The following AGBL4 variants were observed in gnomAD, a reference collection of about 807,000 sequenced individuals.
The protein encoded by AGBL4 is cytosolic carboxypeptidase 6.
A neutral mutation model predicts 66.4 loss-of-function variants in AGBL4; 58 were observed. The observed-to-expected ratio is 0.87, with a 90% confidence interval of 0.71 to 1.09. The LOEUF (loss-of-function observed/expected upper bound fraction) is 1.09, where lower values mean the gene tolerates loss of function less well. Among genes scored for constraint, AGBL4 ranks in the 50% least tolerant of loss-of-function variants. AGBL4 has a pLI of 0.00. For missense variants in AGBL4, 579 were observed against 631.0 expected (o/e 0.92, Z 0.88); for synonymous variants, 234 against 222.9 (o/e 1.05, Z -0.44).
intron 3 of AGBL4, among the ~76,000 whole-genome samples, chr1:49,656,454 T>C (rs971716351): frequency 7.9e-5 from 12 of 152,138 alleles, no homozygotes; most frequent in Non-Finnish European, 1.6e-4. Flanking sequence ...CCATTCCTTC[T>C]GAAACTATTC....
At chr1:48,694,831 C>G (rs12026305) in intron 6 of AGBL4, among the ~76,000 whole-genome samples, 3 of 151,236 alleles carry the variant, frequency 2.0e-5, no homozygotes, top group African/African-American at 4.9e-5. Flanking sequence ...ATAACCCCCT[C>G]TAGCAAATGA....
intron 3 of AGBL4, among the ~76,000 whole-genome samples, chr1:49,416,174 AT>A (rs1404588459): frequency 6.6e-6 from 1 of 152,106 alleles, no homozygotes; most frequent in African/African-American, 2.4e-5. Flanking sequence ...TGTTATGTTT[AT>A]ATACTAGTCA....
At chr1:48,874,141 G>A (rs769249693) in intron 5 of AGBL4, among the ~76,000 whole-genome samples, 3 of 152,152 alleles carry the variant, frequency 2.0e-5, no homozygotes, top group Non-Finnish European at 2.9e-5. Flanking sequence ...AGCCATCGGG[G>A]GAGGACTTGG....
chr1:49,524,483 C>G (rs531859393), intron 3 of AGBL4, among the ~76,000 whole-genome samples: 1 of 151,982 alleles, frequency 6.6e-6, no homozygotes, highest in Non-Finnish European at 1.5e-5. Flanking sequence ...AGAATATAGT[C>G]CTGGGCATCT....
intron 2 of AGBL4, among the ~76,000 whole-genome samples, chr1:49,762,424 T>G (rs1330248078): frequency 6.6e-6 from 1 of 151,448 alleles, no homozygotes; most frequent in Non-Finnish European, 1.5e-5. Context: ...CTTTTTTTTT[T>G]TTTTTTGAGA....
intron 6 of AGBL4, among the ~76,000 whole-genome samples, chr1:48,746,479 A>C (rs942858390): frequency 1.3e-5 from 2 of 152,136 alleles, no homozygotes; most frequent in Non-Finnish European, 2.9e-5. Flanking sequence ...GGACTGATAG[A>C]CTTCTGTCAA....
At chr1:49,435,784 G>T (rs1054291221) in intron 3 of AGBL4, among the ~76,000 whole-genome samples, 5 of 152,078 alleles carry the variant, frequency 3.3e-5, no homozygotes, top group Non-Finnish European at 7.4e-5. Context: ...ATTCTTAAAG[G>T]TAGATATTAT....
chr1:49,840,877 C>A (rs1260372490), intron 2 of AGBL4, among the ~76,000 whole-genome samples: 1 of 152,154 alleles, frequency 6.6e-6, no homozygotes, highest in Non-Finnish European at 1.5e-5. Flanking sequence ...CCGTCTCTGG[C>A]AAACCTATAG....
At chr1:49,571,771 T>C (rs1644336374) in intron 3 of AGBL4, among the ~76,000 whole-genome samples, 1 of 152,154 alleles carries the variant, frequency 6.6e-6, no homozygotes, top group Admixed American at 6.5e-5. Flanking sequence ...TTGAGGGTTT[T>C]TAATCATGAA....
intron 2 of AGBL4, among the ~76,000 whole-genome samples, chr1:49,835,508 G>T (rs1645823655): frequency 6.6e-6 from 1 of 152,074 alleles, no homozygotes; most frequent in Non-Finnish European, 1.5e-5. Context: ...ACACTGATGG[G>T]TGTTGACTCT....
chr1:49,813,562 A>G (rs1413154909), intron 2 of AGBL4, among the ~76,000 whole-genome samples: 2 of 152,058 alleles, frequency 1.3e-5, no homozygotes, highest in African/African-American at 4.8e-5. Context: ...TTCATTCTTC[A>G]TGCATTCATT....
intron 3 of AGBL4, among the ~76,000 whole-genome samples, chr1:49,524,792 A>C (rs754741612): frequency 1.3e-5 from 2 of 151,996 alleles, no homozygotes; most frequent in Non-Finnish European, 2.9e-5. Flanking sequence ...CTTTATTATG[A>C]TACCTATGAT....
intron 5 of AGBL4, among the ~76,000 whole-genome samples, chr1:49,006,456 G>A (rs1340555946): frequency 2.0e-5 from 3 of 152,058 alleles, no homozygotes; most frequent in African/African-American, 7.2e-5. Flanking sequence ...GGGGAGGGGC[G>A]CCCGCCATTG....
chr1:49,122,517 TAAC>T (rs942572276), intron 4 of AGBL4, among the ~76,000 whole-genome samples: 2 of 152,234 alleles, frequency 1.3e-5, no homozygotes, highest in African/African-American at 2.4e-5. Context: ...TTGTACTGAT[TAAC>T]AACAATTTAG....
intron 2 of AGBL4, among the ~76,000 whole-genome samples, chr1:49,758,723 T>C (rs1652083847): frequency 6.6e-6 from 1 of 151,876 alleles, no homozygotes; most frequent in Non-Finnish European, 1.5e-5. Flanking sequence ...TTTTTTTTTT[T>C]TTAACAGGCT....
chr1:49,990,252 A>G (rs1572020307), intron 1 of AGBL4, among the ~76,000 whole-genome samples: 1 of 152,256 alleles, frequency 6.6e-6, no homozygotes, highest in East Asian at 1.9e-4. Context: ...TTCTGTCCCC[A>G]CCCAAATCTC....
chr1:48,801,118 C>G (rs950146570), intron 6 of AGBL4, among the ~76,000 whole-genome samples: 1 of 152,114 alleles, frequency 6.6e-6, no homozygotes, highest in Admixed American at 6.5e-5. Flanking sequence ...CAGTGACAGG[C>G]TTCACCCAGC....
chr1:49,730,223 T>C (rs1238825117), intron 2 of AGBL4, among the ~76,000 whole-genome samples: 2 of 152,112 alleles, frequency 1.3e-5, no homozygotes, highest in African/African-American at 4.8e-5. Flanking sequence ...GCCTTGCTCA[T>C]TCTCCAGTGT....
At chr1:49,865,845 G>T (rs1165400862) in intron 1 of AGBL4, 1 of 273,824 alleles carries the variant, frequency 3.7e-6, no homozygotes, top group Non-Finnish European at 7.6e-6. Flanking sequence ...CCAATGCAAA[G>T]AAGCTAAGAA....
Sources: allele counts gnomAD v4.1 joint callset (sites outside exome capture counted in the v4.1 genomes callset), GRCh38; gene constraint gnomAD v4.1.1; transcripts MANE v1.5; gene names NCBI Gene and HGNC (gene_info 2026-07-23, HGNC 2026-07-21).